The following LMCD1 variants were observed in gnomAD, a reference collection of about 807,000 sequenced individuals.
LMCD1 encodes the protein LIM and cysteine-rich domains protein 1.
In LMCD1, 32 loss-of-function variants were observed where a neutral mutation model predicts 42.7. The ratio of observed to expected loss-of-function variants is 0.75; its 90% CI spans 0.57 to 1.01. The LOEUF is 1.01. Ranked by LOEUF, LMCD1 falls within the 50% of genes least tolerant of loss-of-function variation. The pLI, the probability that LMCD1 is intolerant of heterozygous loss-of-function variation, is 0.00. For synonymous variants in LMCD1, 178 were observed against 184.9 expected (o/e 0.96, Z 0.30); for missense variants, 458 against 483.1 (o/e 0.95, Z 0.49).
intron 4 of LMCD1, among the ~76,000 whole-genome samples, chr3:8,564,018 A>C (rs1454237428): frequency 1.3e-5 from 2 of 152,238 alleles, no homozygotes; most frequent in African/African-American, 4.8e-5. Flanking sequence ...GAGGAGCCTC[A>C]GGAGACATGA....
At chr3:8,541,505 T>C (rs1407513073) in intron 3 of LMCD1, among the ~76,000 whole-genome samples, 2 of 152,096 alleles carry the variant, frequency 1.3e-5, no homozygotes, top group East Asian at 3.9e-4. Flanking sequence ...GCCGAGATTG[T>C]GCCACTGCAC....
At chr3:8,505,954 A>C (rs1360135357) in intron 1 of LMCD1, among the ~76,000 whole-genome samples, 1 of 152,272 alleles carries the variant, frequency 6.6e-6, no homozygotes, top group Non-Finnish European at 1.5e-5. Context: ...AAAGACCTTA[A>C]TAGCCAAGAC....
At chr3:8,544,736 A>G (rs1028163774) in intron 3 of LMCD1, among the ~76,000 whole-genome samples, 2 of 152,184 alleles carry the variant, frequency 1.3e-5, no homozygotes, top group African/African-American at 4.8e-5. Context: ...ACAGTTCCCA[A>G]ATGAGTCCAG....
chr3:8,535,512 C>G (rs1047428457), intron 2 of LMCD1, among the ~76,000 whole-genome samples: 62 of 152,250 alleles, frequency 4.1e-4, no homozygotes, highest in African/African-American at 1.5e-3. Flanking sequence ...TGCACATCAC[C>G]GTATCAAAGT....
intron 4 of LMCD1, among the ~76,000 whole-genome samples, chr3:8,552,627 A>G (rs1047891866): frequency 1.3e-5 from 2 of 152,216 alleles, no homozygotes; most frequent in African/African-American, 4.8e-5. Context: ...AGTGCCTTAC[A>G]TGTGAGCTCA....
intron 1 of LMCD1, among the ~76,000 whole-genome samples, chr3:8,519,925 A>AGAGAGAGT (rs1553605823): frequency 1.4e-5 from 2 of 147,830 alleles, no homozygotes; most frequent in African/African-American, 5.0e-5. Flanking sequence ...TGTGAGAGAG[A>AGAGAGAGT]GTGTGTGTGT....
At chr3:8,527,601 T>G (rs1694324667) in intron 1 of LMCD1, among the ~76,000 whole-genome samples, 1 of 152,214 alleles carries the variant, frequency 6.6e-6, no homozygotes, top group Non-Finnish European at 1.5e-5. Context: ...AAGGGTTTGT[T>G]TTAAATAACA....
rs1480837137 is a variant in LMCD1 at position 8,553,732 on chromosome 3, G to A, written c.723+4829G>A. 2.6e-5 allele frequency among the ~76,000 whole-genome samples: 4 copies of A among 152,184 alleles called. No individual in the cohort carries two copies. The East Asian group carries it at 5.8e-4, about 22-fold the overall frequency. On this transcript the variant is annotated intron_variant, in intron 4 of 5. Coordinates refer to ENST00000157600, the MANE Select transcript of LMCD1 (RefSeq NM_014583.4). ...CCTCTGAAAGTGTTATTATTACACT[G>A]AGGTTAGGAGAGGCAGGATATCATG...
At chr3:8,543,099 T>C (rs555739143) in intron 3 of LMCD1, among the ~76,000 whole-genome samples, 25 of 152,172 alleles carry the variant, frequency 1.6e-4, no homozygotes, top group Non-Finnish European at 3.2e-4. Context: ...CAAGCTCTTC[T>C]TTCCACTTCT....
In LMCD1 at chr3:8,565,256, G is replaced by C. The variant is rs549368890; in HGVS notation, c.724-176G>C. On this transcript the variant is annotated intron_variant, in intron 4 of 5. Transcript: ENST00000157600. Reference sequence around the variant, plus strand: ...TTTATTTAGTCCTCGTGAATAGCCTGTTAGGTAGGCAATATTATTGTGTCG... The same window carrying C: ...TTTATTTAGTCCTCGTGAATAGCCTCTTAGGTAGGCAATATTATTGTGTCG... 4.6e-3 allele frequency among the ~76,000 whole-genome samples: 703 copies of C among 152,278 alleles called. 3 individuals carry two copies. Among genetic ancestry groups the C allele is most frequent in the Non-Finnish European group, 7.7e-3 (527 of 68,020 alleles).
At chr3:8,536,787 G>A (rs1159967457) in intron 2 of LMCD1, among the ~76,000 whole-genome samples, 1 of 152,102 alleles carries the variant, frequency 6.6e-6, no homozygotes, top group Admixed American at 6.5e-5. Flanking sequence ...TTAATGAGTG[G>A]TCATGGCTGT....
chr3:8,528,344 C>G (rs1694339767), intron 1 of LMCD1, among the ~76,000 whole-genome samples: 1 of 126,456 alleles, frequency 7.9e-6, no homozygotes, highest in African/African-American at 3.0e-5. Context: ...CACATACTAC[C>G]ACACCTAGTT....
chr3:8,560,399 C>A (rs773548942), intron 4 of LMCD1, among the ~76,000 whole-genome samples: 1 of 152,148 alleles, frequency 6.6e-6, no homozygotes, highest in African/African-American at 2.4e-5. Context: ...AGTGTATCAT[C>A]AGGGTGCCTG....
rs760729093 is a variant in LMCD1, at chr3:8,567,708, A to G, written c.*110A>G. The G allele has an allele frequency of 4.3e-5, 46 of 1,063,892 alleles. No homozygotes were observed. The highest frequency in any genetic ancestry group is 6.3e-4 in the Middle Eastern group (2 of 3,200). 65.9% of individuals were successfully genotyped at this position (1,063,892 alleles called of 1,614,324 possible). ...GTGACAGCAAGCAAGTGAAATAAAC[A>G]ATGATTTGCTTTTCAGTGAGAATAT... is the stretch of plus-strand genomic sequence containing the variant. On this transcript the variant is annotated 3_prime_UTR_variant, in exon 6 of 6. Transcript: ENST00000157600.
At chr3:8,523,427 C>T (rs1052163512) in intron 1 of LMCD1, among the ~76,000 whole-genome samples, 2 of 152,312 alleles carry the variant, frequency 1.3e-5, no homozygotes, top group South Asian at 2.1e-4. Flanking sequence ...CCAATGTAAA[C>T]GAGGTCTTTG....
At chr3:8,551,115 G>A in intron 4 of LMCD1, 1 of 985,334 alleles carries the variant, frequency 1.0e-6, no homozygotes, top group Non-Finnish European at 1.2e-6. Flanking sequence ...AGCTGTGGAA[G>A]ATAGACTTCT....
intron 4 of LMCD1, among the ~76,000 whole-genome samples, chr3:8,558,617 T>C (rs549568635): frequency 4.6e-5 from 7 of 152,316 alleles, no homozygotes; most frequent in African/African-American, 1.4e-4. Context: ...TATAAAGCAT[T>C]CTTCTCCATG....
chr3:8,508,164 T>C (rs1693920032), intron 1 of LMCD1, among the ~76,000 whole-genome samples: 1 of 152,208 alleles, frequency 6.6e-6, no homozygotes, highest in Non-Finnish European at 1.5e-5. Context: ...CATGTTATCC[T>C]AATACTCTAA....
chr3:8,506,270 C>G (rs1032332178), intron 1 of LMCD1, among the ~76,000 whole-genome samples: 11 of 152,176 alleles, frequency 7.2e-5, no homozygotes, highest in African/African-American at 2.7e-4. Flanking sequence ...GGAATTTGCT[C>G]AGAGCTTACC....
Sources: gnomAD v4.1 joint callset for allele counts (sites outside exome capture counted in the v4.1 genomes callset) on GRCh38, gnomAD v4.1.1 for gene constraint, MANE v1.5 for transcripts, NCBI Gene and HGNC (gene_info 2026-07-23, HGNC 2026-07-21) for gene names.